Variants in GSTM5 observed in about 807,000 individuals in gnomAD.
GSTM5 encodes the protein glutathione S-transferase mu 5.
A neutral mutation model predicts 29.0 loss-of-function variants in GSTM5; 24 were observed. The ratio of observed to expected loss-of-function variants is 0.83; its 90% CI spans 0.60 to 1.16. The LOEUF (loss-of-function observed/expected upper bound fraction) is 1.16. Ranked by LOEUF, GSTM5 falls within the 50% of genes most tolerant of loss-of-function variation. GSTM5 has a pLI of 0.00. For missense variants in GSTM5, 290 were observed against 263.0 expected, an observed-to-expected ratio of 1.10 and a Z score of -0.71; for synonymous variants, 91 against 93.6, an observed-to-expected ratio of 0.97 and a Z score of 0.16.
Position 109,712,256 on chromosome 1 carries a change from A to G in GSTM5, c.-57A>G, listed in dbSNP as rs1648542857. Reference sequence around the variant, plus strand: ...CCGCCTGTCCCCTCCTGGGCCTCTCAAAGTCTGAGCCCCGCTCCGCTGATG... The same window carrying G: ...CCGCCTGTCCCCTCCTGGGCCTCTCGAAGTCTGAGCCCCGCTCCGCTGATG... On this transcript the variant is annotated 5_prime_UTR_variant, in exon 1 of 8. Coordinates refer to ENST00000256593, the MANE Select transcript of GSTM5 (RefSeq NM_000851.4). 1.2e-6 allele frequency: 2 copies of G among 1,603,286 alleles called. No individual in the cohort carries two copies. The highest frequency in any genetic ancestry group is 1.7e-6 in the Non-Finnish European group (2 of 1,170,418).
chr1:109,713,355 T>C (rs1470113010), intron 3 of GSTM5, 129 bp from the exon 4 acceptor site: 42 of 1,411,120 alleles, frequency 3.0e-5, no homozygotes, highest in Non-Finnish European at 4.2e-5. Flanking sequence ...CATTTATTAG[T>C]GTGACAGTAT....
chr1:109,715,123 T>C lies in GSTM5; in HGVS notation c.457-7T>C. 6.2e-7 allele frequency: 1 copy of C among 1,614,216 alleles called. No individual in the cohort carries two copies. The highest frequency in any genetic ancestry group is 1.1e-5 in the South Asian group (1 of 91,088). On this transcript the variant is annotated splice_polypyrimidine_tract_variant and splice_region_variant and intron_variant, in intron 6 of 7. Coordinates refer to ENST00000256593, the MANE Select transcript of GSTM5 (RefSeq NM_000851.4). ...TTTTCAGCCCACACATTCTTGGCCT[T>C]CTTCAGATCACCTTTGTGGATTTCC... is the stretch of plus-strand genomic sequence containing the variant.
At position 109,713,513 on chromosome 1, in the gene GSTM5, G is replaced by A. The variant is rs552293247; in HGVS notation, c.207G>A (p.Lys69=). 2.5e-6 allele frequency: 4 copies of A among 1,614,238 alleles called. No homozygotes were observed. The South Asian group carries it at 4.4e-5, about 18-fold the overall frequency. The change falls in exon 4 of 8, where the codon AAG becomes AAA. Residue 69 remains lysine, a synonymous_variant. Coordinates refer to ENST00000256593, the MANE Select transcript of GSTM5 (RefSeq NM_000851.4). Reference sequence around the variant, plus strand: ...CCTACTTGATTGATGGGGCTCACAAGATCACCCAGAGCAATGCCATCCTGC... The same window carrying A: ...CCTACTTGATTGATGGGGCTCACAAAATCACCCAGAGCAATGCCATCCTGC... ...NLPYLIDGAH[K]ITQSNAILRY...
At position 109,712,348 on chromosome 1, in the gene GSTM5, G is replaced by A. The variant is rs1362113797; in HGVS notation, c.36G>A (p.Gly12=). 1.2e-6 allele frequency: 2 copies of A among 1,614,050 alleles called. No homozygotes were observed. The highest frequency in any genetic ancestry group is 2.2e-5 in the East Asian group (1 of 44,870). ...PMTLGYWDIR[G]LAHAIRLLLE... is the part of the protein sequence containing the mutation. ...CTCTGGGGTACTGGGACATCCGTGG[G>A]GTAAGCGAGGGTCCTCTGGTGGGTG... Residue 12 remains glycine, a splice_region_variant and synonymous_variant, in exon 1 of 8, where the codon GGG becomes GGA. Coordinates refer to ENST00000256593, the MANE Select transcript of GSTM5 (RefSeq NM_000851.4).
At chr1:109,714,746 A>C in intron 5 of GSTM5, 1 of 618,170 alleles carries the variant, frequency 1.6e-6, no homozygotes, top group Non-Finnish European at 2.9e-6. Context: ...CATTCTGATC[A>C]CTTCAGATAG....
At position 109,712,635 on chromosome 1, in the gene GSTM5, C is replaced by T. The variant is rs1648596531; in HGVS notation, c.54C>T (p.Arg18=). ...WDIRGLAHAI[R]LLLEYTDSSY... ...TCTCCCAGCTGGCCCACGCCATCCG[C>T]TTGCTCCTGGAATACACAGACTCAA... The change falls in exon 2 of 8, where the codon CGC becomes CGT. Residue 18 remains arginine (R), a synonymous_variant. Transcript: ENST00000256593. 1 of 1,614,208 alleles carries T rather than the reference C, an allele frequency of 6.2e-7. No individual in the cohort carries two copies. The highest frequency in any genetic ancestry group is 8.5e-7 in the Non-Finnish European group (1 of 1,180,034).
At chr1:109,712,867 CG>C in intron 2 of GSTM5, 174 bp downstream of exon 2, 1 of 882,950 alleles carries the variant, frequency 1.1e-6, no homozygotes, top group Non-Finnish European at 1.9e-6. Context: ...AATGCTGGGG[CG>C]GGATGCTGGA....
Position 109,713,737 on chromosome 1 carries a change from C to T in GSTM5, c.336C>T (p.Val112=), listed in dbSNP as rs1004790101. The change falls in exon 5 of 8, where the codon GTC becomes GTT. Residue 112 remains valine, a synonymous_variant. Coordinates refer to ENST00000256593, the MANE Select transcript of GSTM5 (RefSeq NM_000851.4). ...NQVMDNHMEL[V]RLCYDPDFEK... is the part of the protein sequence containing the mutation. ...TTATGGATAACCACATGGAGCTGGT[C>T]AGACTGTGCTATGACCCAGATTTTG... The T allele has an allele frequency of 6.2e-7, 1 of 1,612,700 alleles. No homozygotes were observed. The highest frequency in any genetic ancestry group is 1.3e-5 in the African/African-American group (1 of 74,506).
intron 7 of GSTM5, chr1:109,715,845 A>C (rs1393257612): frequency 8.4e-6 from 4 of 475,080 alleles, no homozygotes; most frequent in Non-Finnish European, 1.2e-5. Context: ...CCCCTGTTGA[A>C]GCAGTGTGTG....
chr1:109,712,472 G>T, intron 1 of GSTM5, 124 bp downstream of exon 1: 1 of 1,242,576 alleles, frequency 8.0e-7, no homozygotes. Flanking sequence ...GCCTGTGCAT[G>T]ACGCTGTGTG....
intron 7 of GSTM5, 119 bp downstream of exon 7, chr1:109,715,359 T>C (rs1468756287): frequency 6.2e-7 from 1 of 1,601,500 alleles, no homozygotes. Context: ...ACGGGCTTCA[T>C]GCCAGGAATC....
Position 109,714,968 on chromosome 1 carries a change from T to A in GSTM5, c.382T>A (p.Leu128Met), listed in dbSNP as rs2229059. 30 of 1,614,094 alleles carry A rather than the reference T, an allele frequency of 1.9e-5. No individual in the cohort carries two copies. Among genetic ancestry groups the A allele is most frequent in the Non-Finnish European group, 2.5e-5 (29 of 1,180,036 alleles). Residue 128 changes from leucine to methionine, a missense_variant, in exon 6 of 8, where the codon TTG (leucine) becomes ATG (methionine). Transcript: ENST00000256593. Reference protein sequence around the residue: ...PDFEKLKPKYLEELPEKLKLY... With the variant: ...PDFEKLKPKYMEELPEKLKLY... ...TCAGGAGAAACTGAAGCCAAAATAC[T>A]TGGAGGAACTCCCTGAAAAGCTAAA...
chr1:109,713,719 T>A lies in GSTM5; in HGVS notation c.318T>A (p.Asp106Glu), dbSNP rs376552617. 13 of 1,611,534 alleles carry A rather than the reference T, an allele frequency of 8.1e-6. No homozygotes were observed. Among genetic ancestry groups the A allele is most frequent in the Non-Finnish European group, 1.1e-5 (13 of 1,179,638 alleles). The change falls in exon 5 of 8, where the codon GAT (aspartate) becomes GAA (glutamate). Residue 106 changes from aspartate to glutamate, a missense_variant. Coordinates refer to ENST00000256593, the MANE Select transcript of GSTM5 (RefSeq NM_000851.4). The part of the protein sequence containing the change: ...RVDILENQVM[D>E]NHMELVRLCY... ...ACATTTTGGAGAACCAGGTTATGGA[T>A]AACCACATGGAGCTGGTCAGACTGT...
chr1:109,714,859 C>T, intron 5 of GSTM5, 88 bp from the exon 6 acceptor site: 2 of 1,299,516 alleles, frequency 1.5e-6, no homozygotes, highest in Non-Finnish European at 2.2e-6. Context: ...TTGCCTGTGG[C>T]CAGCCTGGGC....
rs1648801961 is a variant in GSTM5, at chr1:109,717,712, T to A, written c.*286T>A. ...TGCTTTTCCTGTCAGTGCTTTTCTCTTCTTTGAGAAGCCAGACTGATCTCT... is the reference window on the plus strand; with the variant it reads ...TGCTTTTCCTGTCAGTGCTTTTCTCATCTTTGAGAAGCCAGACTGATCTCT... On this transcript the variant is annotated 3_prime_UTR_variant, in exon 8 of 8. Coordinates refer to ENST00000256593, the MANE Select transcript of GSTM5 (RefSeq NM_000851.4). 1 of 377,728 alleles carries A rather than the reference T, an allele frequency of 2.6e-6. No homozygotes were observed. The highest frequency in any genetic ancestry group is 5.0e-6 in the Non-Finnish European group (1 of 198,452). 23.4% of individuals were successfully genotyped at this position (377,728 alleles called of 1,614,324 possible).
At chr1:109,713,992 C>A in intron 5 of GSTM5, 2 of 396,590 alleles carry the variant, frequency 5.0e-6, no homozygotes, top group Non-Finnish European at 9.3e-6. Context: ...GATCTGCTAC[C>A]ACCCAGAGTT....
chr1:109,715,946 T>A, intron 7 of GSTM5: 1 of 885,778 alleles, frequency 1.1e-6, no homozygotes, highest in Non-Finnish European at 1.7e-6. Context: ...CCCTGTGAGA[T>A]GAGTAGCACA....
intron 5 of GSTM5, 35 bp from the exon 6 acceptor site, chr1:109,714,912 T>C: frequency 1.9e-6 from 3 of 1,610,974 alleles, no homozygotes; most frequent in Non-Finnish European, 1.7e-6. Flanking sequence ...AGGGAGCTTT[T>C]GTCTGAGGGT....
In GSTM5 at chr1:109,712,326, T is replaced by TG. The variant is rs762227004; in HGVS notation, c.18dup (p.Tyr7ValfsTer34). The TG allele has an allele frequency of 9.9e-5, 160 of 1,613,530 alleles. No individual in the cohort carries two copies. In the Middle Eastern group the frequency reaches 3.6e-3, roughly 37 times the overall value. On this transcript the variant is annotated frameshift_variant, in exon 1 of 8. Transcript: ENST00000256593. LOFTEE classifies it high-confidence loss of function. ...CCAACCAGCACCATGCCCATGACTC[T>TG]GGGGTACTGGGACATCCGTGGGGTA...
Sources: gnomAD v4.1 joint callset for allele counts on GRCh38, gnomAD v4.1.1 for gene constraint, MANE v1.5 for transcripts, NCBI Gene and HGNC (gene_info 2026-07-23, HGNC 2026-07-21) for gene names.